USH2A: variants seen among roughly 807,000 people sequenced by gnomAD.
USH2A encodes Usher syndrome 2A (autosomal recessive, mild).
In USH2A, 443 loss-of-function variants were observed where a neutral mutation model predicts 538.9. That is an observed-to-expected ratio of 0.82 (90% CI 0.76 to 0.89). USH2A has a LOEUF of 0.89. USH2A is among the 40% of genes least tolerant of loss of function. The probability of loss-of-function intolerance (pLI) is 0.00; values close to 1 mark genes in which losing one functional copy is unlikely to be tolerated. For missense variants in USH2A, 6,633 were observed against 6,324.8 expected (o/e 1.05, Z -1.65); for synonymous variants, 2,413 against 2,273.5 (o/e 1.06, Z -1.75).
intron 4 of USH2A, among the ~76,000 whole-genome samples, chr1:216,354,289 C>T (rs914253267): frequency 6.6e-6 from 1 of 152,100 alleles, no homozygotes; most frequent in Non-Finnish European, 1.5e-5. Context: ...GATTTACTTC[C>T]ACCTCTTTCA....
chr1:216,351,376 T>A (rs2038284818), intron 4 of USH2A, among the ~76,000 whole-genome samples: 1 of 152,164 alleles, frequency 6.6e-6, no homozygotes, highest in African/African-American at 2.4e-5. Context: ...GGAGTCAGCC[T>A]GATGGATATC....
intron 30 of USH2A, among the ~76,000 whole-genome samples, chr1:216,064,198 C>A (rs1418201983): frequency 6.6e-6 from 1 of 152,100 alleles, no homozygotes. Context: ...ATAATGATTT[C>A]TATTTACTCA....
In USH2A at chr1:216,338,021, T is replaced by C. The variant is rs1230779672; in HGVS notation, c.785-10367A>G. 2.0e-5 allele frequency among the ~76,000 whole-genome samples: 3 copies of C among 151,300 alleles called. No homozygotes were observed. In the East Asian group the frequency reaches 5.8e-4, roughly 29 times the overall value. On this transcript the variant is annotated intron_variant, in intron 4 of 71. Transcript: ENST00000307340. ...TTACTAAAAGACATAAAAGAAGATC[T>C]AAATAAATAGAATGATATACTATGA...
chr1:216,207,670 G>A (rs1399231588), intron 15 of USH2A, among the ~76,000 whole-genome samples: 1 of 149,782 alleles, frequency 6.7e-6, no homozygotes, highest in Non-Finnish European at 1.5e-5. Flanking sequence ...ATAGTTGGGG[G>A]TAAAAAACCA....
intron 43 of USH2A, among the ~76,000 whole-genome samples, chr1:215,870,535 T>G (rs1378386258): frequency 6.6e-6 from 1 of 150,916 alleles, no homozygotes; most frequent in Non-Finnish European, 1.5e-5. Context: ...GACCTCATGA[T>G]CCACCCACCT....
intron 9 of USH2A, among the ~76,000 whole-genome samples, chr1:216,301,512 C>T (rs1200908775): frequency 6.6e-6 from 1 of 152,208 alleles, no homozygotes; most frequent in Non-Finnish European, 1.5e-5. Context: ...AAATAGTATT[C>T]GAGGGAGAGA....
intron 20 of USH2A, among the ~76,000 whole-genome samples, chr1:216,179,318 G>A (rs950207961): frequency 1.3e-5 from 2 of 150,674 alleles, no homozygotes; most frequent in Non-Finnish European, 3.0e-5. Context: ...TTTTTAATTT[G>A]GCAAAGTGAT....
At chr1:216,087,994 T>A (rs1489666982) in intron 23 of USH2A, among the ~76,000 whole-genome samples, 2 of 152,106 alleles carry the variant, frequency 1.3e-5, no homozygotes, top group African/African-American at 4.8e-5. Flanking sequence ...GCCCACAAGG[T>A]CCCATATAAT....
intron 42 of USH2A, among the ~76,000 whole-genome samples, chr1:215,878,177 C>T (rs1379652399): frequency 6.6e-6 from 1 of 152,078 alleles, no homozygotes; most frequent in Non-Finnish European, 1.5e-5. Context: ...CTGCCAGTTT[C>T]GCACAAAGTA....
At chr1:215,944,432 A>AT (rs891884292) in intron 37 of USH2A, among the ~76,000 whole-genome samples, 2 of 152,056 alleles carry the variant, frequency 1.3e-5, no homozygotes, top group Non-Finnish European at 2.9e-5. Context: ...TTGAGTAAAT[A>AT]TTTTTTTTAA....
chr1:215,723,646 A>C (rs2102709254), intron 61 of USH2A, among the ~76,000 whole-genome samples: 1 of 152,354 alleles, frequency 6.6e-6, no homozygotes, highest in Non-Finnish European at 1.5e-5. Flanking sequence ...TTAATGGAGA[A>C]GGTTCTGTAG....
chr1:215,776,196 T>G (rs1443578473), intron 55 of USH2A, among the ~76,000 whole-genome samples: 1 of 152,204 alleles, frequency 6.6e-6, no homozygotes, highest in African/African-American at 2.4e-5. Flanking sequence ...TGAAAAGGTC[T>G]TTTATTGACA....
chr1:216,034,982 A>C (rs1669214614), intron 32 of USH2A, among the ~76,000 whole-genome samples: 1 of 152,226 alleles, frequency 6.6e-6, no homozygotes, highest in African/African-American at 2.4e-5. Context: ...AAGATGCAAA[A>C]AGTAAGGCTG....
chr1:216,235,111 AT>A (rs2035781091), intron 13 of USH2A, among the ~76,000 whole-genome samples: 1 of 152,168 alleles, frequency 6.6e-6, no homozygotes, highest in Non-Finnish European at 1.5e-5. Flanking sequence ...AATGTGCCTA[AT>A]TCTAGACCAT....
At chr1:216,097,920 C>T (rs1367115451) in intron 21 of USH2A, among the ~76,000 whole-genome samples, 1 of 151,856 alleles carries the variant, frequency 6.6e-6, no homozygotes, top group Non-Finnish European at 1.5e-5. Context: ...CACCCCCCTA[C>T]CATTACATGG....
intron 61 of USH2A, among the ~76,000 whole-genome samples, chr1:215,685,110 A>G (rs967870141): frequency 1.3e-5 from 2 of 152,120 alleles, no homozygotes; most frequent in African/African-American, 4.8e-5. Context: ...TCTAAAAGCC[A>G]TGACTTTGGA....
At chr1:216,279,448 C>G (rs558400223) in intron 11 of USH2A, among the ~76,000 whole-genome samples, 1 of 152,230 alleles carries the variant, frequency 6.6e-6, no homozygotes, top group Admixed American at 6.5e-5. Context: ...CTACCCCCAT[C>G]TACATTCAGC....
At chr1:216,051,359 C>T (rs1275745613) in intron 30 of USH2A, among the ~76,000 whole-genome samples, 1 of 152,182 alleles carries the variant, frequency 6.6e-6, no homozygotes, top group African/African-American at 2.4e-5. Flanking sequence ...TTTTGTAATG[C>T]CTCCACCACG....
chr1:215,894,703 A>C (rs1187147989), intron 40 of USH2A, among the ~76,000 whole-genome samples: 2 of 152,138 alleles, frequency 1.3e-5, no homozygotes, highest in African/African-American at 4.8e-5. Context: ...GCCTCTGACC[A>C]AGGTAAAAAA....
Sources: allele counts gnomAD v4.1 joint callset (sites outside exome capture counted in the v4.1 genomes callset), GRCh38; gene constraint gnomAD v4.1.1; transcripts MANE v1.5; gene names NCBI Gene and HGNC (gene_info 2026-07-23, HGNC 2026-07-21).